RFC3: variants seen among roughly 807,000 people sequenced by gnomAD.
The protein encoded by RFC3 is replication factor C subunit 3.
Under a neutral mutation model 45.1 loss-of-function variants are expected in RFC3, and 41 were observed. That is an observed-to-expected ratio of 0.91 (90% CI 0.71 to 1.18). The LOEUF (loss-of-function observed/expected upper bound fraction) is 1.18. RFC3 is among the 50% of genes most tolerant of loss of function. The pLI is 0.00. For synonymous variants in RFC3, 149 were observed against 144.0 expected, an observed-to-expected ratio of 1.03 and a Z score of -0.25; for missense variants, 423 against 428.1, an observed-to-expected ratio of 0.99 and a Z score of 0.10.
intron 8 of RFC3, among the ~76,000 whole-genome samples, chr13:33,927,195 G>A (rs903261352): frequency 6.6e-6 from 1 of 151,204 alleles, no homozygotes; most frequent in African/African-American, 2.4e-5. Flanking sequence ...TGTTCACATT[G>A]CTTGGTAATG....
intron 8 of RFC3, among the ~76,000 whole-genome samples, chr13:33,949,243 A>C (rs1023582170): frequency 2.6e-5 from 4 of 151,796 alleles, no homozygotes; most frequent in Admixed American, 6.6e-5. Flanking sequence ...CCCCACTTGC[A>C]CTCATTCTCT....
rs55797716 is a variant in RFC3, at chr13:33,820,982, T to C, written c.88-150T>C. ...TATCTACCCATGAAACTCCAAGTTT[T>C]ACACATATATAAAAAATTGGGTGTA... On this transcript the variant is annotated intron_variant, in intron 1 of 8. Transcript: ENST00000380071. The C allele has an allele frequency of 3.5e-4, 163 of 465,256 alleles. No homozygotes were observed. The East Asian group carries it at 5.5e-3, about 16-fold the overall frequency. 28.8% of individuals were successfully genotyped at this position (465,256 alleles called of 1,614,324 possible).
At chr13:33,878,124 T>TA (rs1339548915) in intron 8 of RFC3, among the ~76,000 whole-genome samples, 1 of 152,166 alleles carries the variant, frequency 6.6e-6, no homozygotes, top group Non-Finnish European at 1.5e-5. Context: ...GCTCAATAAG[T>TA]AGTAACTGCA....
chr13:33,845,366 C>G lies in RFC3; in HGVS notation c.879+10149C>G, dbSNP rs188523370. ...CTATCCATTTGAATAAACTTTCTAC[C>G]TCTATATCTCTCTCTACCTTTTCTT... On this transcript the variant is annotated intron_variant, in intron 8 of 8. Transcript: ENST00000434425. Among the ~76,000 whole-genome samples, 705 of 132,526 alleles carry G rather than the reference C, an allele frequency of 5.3e-3. 4 individuals are homozygous for G. Among genetic ancestry groups the G allele is most frequent in the Non-Finnish European group, 8.6e-3 (461 of 53,696 alleles). 86.9% of individuals were successfully genotyped at this position (132,526 alleles called of 152,430 possible).
At chr13:33,969,358 GT>G (rs200126126), downstream of RFC3, among the ~76,000 whole-genome samples, 1 of 152,216 alleles carries the variant, frequency 6.6e-6, no homozygotes, top group Admixed American at 6.5e-5. Context: ...AAGAAAGTCT[GT>G]TTCACCAGCG....
downstream of RFC3, among the ~76,000 whole-genome samples, chr13:33,839,627 TAACTG>T (rs2082182814): frequency 1.3e-5 from 2 of 152,212 alleles, no homozygotes; most frequent in African/African-American, 4.8e-5. Context: ...CTTCTCTACT[TAACTG>T]TAGTGGGAAA....
At chr13:33,973,862 G>A in the RFC3 span, among the ~76,000 whole-genome samples, 1 of 151,962 alleles carries the variant, frequency 6.6e-6, no homozygotes, top group Admixed American at 6.6e-5. Flanking sequence ...TGTTGGCCAG[G>A]CTGGTCTGCA....
chr13:33,844,109 T>A (rs2082220050), intron 8 of RFC3, among the ~76,000 whole-genome samples: 1 of 152,226 alleles, frequency 6.6e-6, no homozygotes, highest in African/African-American at 2.4e-5. Flanking sequence ...TGGTTATGAA[T>A]GATCTGGGCT....
In RFC3 at chr13:33,829,856, G is replaced by A. The variant is rs1271538262; in HGVS notation, c.412G>A (p.Asp138Asn). The A allele has an allele frequency of 6.2e-7, 1 of 1,614,016 alleles. No homozygotes were observed. Among genetic ancestry groups the A allele is most frequent in the East Asian group, 2.2e-5 (1 of 44,874 alleles). Residue 138 changes from aspartate to asparagine, a missense_variant, in exon 5 of 9, where the codon GAC (aspartate) becomes AAC (asparagine). Coordinates refer to ENST00000380071, the MANE Select transcript of RFC3 (RefSeq NM_002915.4). ...CTCAGTGGTATTATTGACAGAAGTT[G>A]ACAAACTCACCAAAGATGCTCAGCA... ...DFKVVLLTEV[D>N]KLTKDAQHAL...
downstream of RFC3, among the ~76,000 whole-genome samples, chr13:33,839,522 A>G (rs2082182065): frequency 1.3e-5 from 2 of 152,218 alleles, no homozygotes; most frequent in South Asian, 4.1e-4. Context: ...CCTGCAGCTG[A>G]TAAGTTTTGA....
chr13:33,923,351 G>C (rs111781077), intron 8 of RFC3, among the ~76,000 whole-genome samples: 2,754 of 152,052 alleles, frequency 0.018, 83 homozygotes, highest in African/African-American at 0.055. Context: ...TCTGCAGCTG[G>C]GCCCAAAAAA....
intron 8 of RFC3, among the ~76,000 whole-genome samples, chr13:33,886,337 G>A (rs1026868248): frequency 9.2e-5 from 14 of 152,066 alleles, no homozygotes; most frequent in Non-Finnish European, 1.8e-4. Context: ...ACAAGGTCAG[G>A]AGACTGAGAC....
chr13:33,965,919 A>G (rs1323517749), intron 8 of RFC3, among the ~76,000 whole-genome samples: 1 of 152,150 alleles, frequency 6.6e-6, no homozygotes, highest in Non-Finnish European at 1.5e-5. Context: ...CTTTAATGAC[A>G]TTGAATATTT....
intron 8 of RFC3, among the ~76,000 whole-genome samples, chr13:33,934,979 A>G (rs1219003601): frequency 6.6e-6 from 1 of 152,152 alleles, no homozygotes; most frequent in Admixed American, 6.5e-5. Context: ...TGAACCTGTC[A>G]TGAAGACTGC....
chr13:33,919,265 A>T (rs1028661911), intron 8 of RFC3, among the ~76,000 whole-genome samples: 1 of 151,858 alleles, frequency 6.6e-6, no homozygotes, highest in African/African-American at 2.4e-5. Flanking sequence ...GAAGACATGT[A>T]TTTGACTACT....
chr13:33,934,032 A>G lies in RFC3; in HGVS notation c.880-32055A>G, dbSNP rs111855760. Among the ~76,000 whole-genome samples the G allele has an allele frequency of 6.1e-3, 922 of 152,110 alleles. 5 individuals are homozygous for G. The highest frequency in any genetic ancestry group is 0.01 in the Non-Finnish European group (700 of 67,960). ...GAAAAAAAGGGAAATGAAAGAAAGG[A>G]AAGAGAAATTAAATGTTTAATAATA... On this transcript the variant is annotated intron_variant, in intron 8 of 8. Coordinates refer to the RFC3 transcript ENST00000434425.
chr13:33,968,996 C>T (rs1039872922), downstream of RFC3, among the ~76,000 whole-genome samples: 2 of 152,144 alleles, frequency 1.3e-5, no homozygotes, highest in Non-Finnish European at 2.9e-5. Flanking sequence ...GTTCACCCAC[C>T]GTACAAATTT....
chr13:33,899,942 A>G (rs1221104947), intron 8 of RFC3, among the ~76,000 whole-genome samples: 1 of 151,960 alleles, frequency 6.6e-6, no homozygotes, highest in Admixed American at 6.6e-5. Flanking sequence ...GCTACAAAGA[A>G]TATAAAACAC....
chr13:33,974,459 A>G, the RFC3 span, among the ~76,000 whole-genome samples: 1 of 152,022 alleles, frequency 6.6e-6, no homozygotes, highest in Non-Finnish European at 1.5e-5. Context: ...TTCCTTCCCT[A>G]ACCTCTACCT....
Sources: gnomAD v4.1 joint callset for allele counts (sites outside exome capture counted in the v4.1 genomes callset) on GRCh38, gnomAD v4.1.1 for gene constraint, MANE v1.5 for transcripts, NCBI Gene and HGNC (gene_info 2026-07-23, HGNC 2026-07-21) for gene names.